Variants in CCBE1 observed in about 807,000 individuals in gnomAD.
CCBE1 encodes the protein collagen and calcium binding EGF domains 1, also known as collagen and calcium-binding EGF domain-containing protein 1.
In CCBE1, 37 loss-of-function variants were observed where a neutral mutation model predicts 50.0. The ratio of observed to expected loss-of-function variants is 0.74; its 90% CI spans 0.57 to 0.97. The LOEUF is 0.97. Ranked by LOEUF, CCBE1 falls within the 50% of genes least tolerant of loss-of-function variation. The pLI, the probability that CCBE1 is intolerant of heterozygous loss-of-function variation, is 0.00. For missense variants in CCBE1, 538 were observed against 523.8 expected (o/e 1.03, Z -0.26); for synonymous variants, 234 against 203.7 (o/e 1.15, Z -1.27).
At chr18:59,528,881 G>A (rs1185371784) in intron 2 of CCBE1, among the ~76,000 whole-genome samples, 4 of 152,162 alleles carry the variant, frequency 2.6e-5, no homozygotes, top group African/African-American at 9.7e-5. Flanking sequence ...ATGCCAGTGG[G>A]AATGCTCCTG....
rs144447482 is a variant in CCBE1, at chr18:59,682,294, G to A, written c.212+14335C>T. Among the ~76,000 whole-genome samples the A allele has an allele frequency of 7.3e-4, 111 of 152,174 alleles. No homozygotes were observed. In the East Asian group the frequency reaches 0.019, roughly 27 times the overall value. The stretch of plus-strand genomic sequence containing the variant: ...GGAGAATTGCTTGAACCCAGGAGGC[G>A]GAGGAGGTTGCAGTGAGCTGAGATC... On this transcript the variant is annotated intron_variant, in intron 2 of 10. Coordinates refer to ENST00000439986, the MANE Select transcript of CCBE1 (RefSeq NM_133459.4).
At chr18:59,549,517 G>A (rs1368796187) in intron 2 of CCBE1, among the ~76,000 whole-genome samples, 5 of 152,074 alleles carry the variant, frequency 3.3e-5, no homozygotes, top group Admixed American at 6.5e-5. Flanking sequence ...CTGGTGCACC[G>A]GGGCTCAGGA....
chr18:59,471,837 C>T (rs1912049247), intron 3 of CCBE1, among the ~76,000 whole-genome samples: 1 of 152,188 alleles, frequency 6.6e-6, no homozygotes, highest in Non-Finnish European at 1.5e-5. Context: ...TCATGAAAGC[C>T]TAATATCAGC....
At chr18:59,501,890 T>G (rs1036795872) in intron 2 of CCBE1, among the ~76,000 whole-genome samples, 2 of 152,186 alleles carry the variant, frequency 1.3e-5, no homozygotes, top group East Asian at 3.9e-4. Context: ...TAATGCAGCC[T>G]TGACCTTCTG....
chr18:59,577,308 T>C (rs1490125238), intron 2 of CCBE1, among the ~76,000 whole-genome samples: 1 of 152,194 alleles, frequency 6.6e-6, no homozygotes, highest in Non-Finnish European at 1.5e-5. Context: ...CAGGCAGCAG[T>C]TCCAGCTGGA....
chr18:59,436,807 A>G (rs564043534), intron 10 of CCBE1, among the ~76,000 whole-genome samples: 1 of 152,244 alleles, frequency 6.6e-6, no homozygotes, highest in South Asian at 2.1e-4. Context: ...TGTCTCTACA[A>G]AAATTTAACA....
rs148965348 is a variant in CCBE1, at chr18:59,572,035, G to A, written c.213-91797C>T. ...AGAATGATCAAAGATTGACACCAAAGTGGGTTTTTATTGTGGTTGTTTTGG... is the reference window on the plus strand; with the variant it reads ...AGAATGATCAAAGATTGACACCAAAATGGGTTTTTATTGTGGTTGTTTTGG... On this transcript the variant is annotated intron_variant, in intron 2 of 10. Transcript: ENST00000439986. Among the ~76,000 whole-genome samples, 301 of 152,338 alleles carry A rather than the reference G, an allele frequency of 2.0e-3. 4 individuals carry two copies. In the East Asian group the frequency reaches 0.03, roughly 15 times the overall value.
In CCBE1 at chr18:59,632,642, G is replaced by A. The variant is rs887446511; in HGVS notation, c.212+63987C>T. On this transcript the variant is annotated intron_variant, in intron 2 of 10. Coordinates refer to ENST00000439986, the MANE Select transcript of CCBE1 (RefSeq NM_133459.4). Reference sequence around the variant, plus strand: ...CTTACTCTATGGCCCAGGCTGGAGTGCAGTGGCACGATCTTGGCTCACCGC... The same window carrying A: ...CTTACTCTATGGCCCAGGCTGGAGTACAGTGGCACGATCTTGGCTCACCGC... 6.6e-5 allele frequency among the ~76,000 whole-genome samples: 10 copies of A among 152,062 alleles called. No individual in the cohort carries two copies. In the East Asian group the frequency reaches 1.7e-3, roughly 26 times the overall value.
Position 59,547,167 on chromosome 18 carries a change from A to G in CCBE1, c.213-66929T>C, listed in dbSNP as rs923464818. ...GAGAGGGAGGGAGAGGGAAAAGGAG[A>G]GGGAGAGAGAGGCACAATGGCTCAC... On this transcript the variant is annotated intron_variant, in intron 2 of 10. Transcript: ENST00000439986. Among the ~76,000 whole-genome samples the G allele has an allele frequency of 2.0e-5, 3 of 150,188 alleles. 1 individual carries two copies. Among genetic ancestry groups the G allele is most frequent in the Admixed American group, 2.0e-4 (3 of 15,078 alleles).
chr18:59,668,193 G>A (rs1273708027), intron 2 of CCBE1, among the ~76,000 whole-genome samples: 7 of 152,102 alleles, frequency 4.6e-5, no homozygotes, highest in Non-Finnish European at 1.0e-4. Context: ...GCTGAGGCGG[G>A]TGGATCACAA....
intron 2 of CCBE1, among the ~76,000 whole-genome samples, chr18:59,637,939 A>C (rs993649120): frequency 6.6e-6 from 1 of 152,200 alleles, no homozygotes; most frequent in Admixed American, 6.5e-5. Flanking sequence ...TTTACACAAA[A>C]ATCTTTCAAA....
Position 59,563,183 on chromosome 18 carries a change from C to T in CCBE1, c.213-82945G>A, listed in dbSNP as rs147134436. 3.6e-3 allele frequency among the ~76,000 whole-genome samples: 547 copies of T among 152,234 alleles called. 5 individuals are homozygous for T. Among genetic ancestry groups the T allele is most frequent in the African/African-American group, 0.012 (513 of 41,540 alleles). On this transcript the variant is annotated intron_variant, in intron 2 of 10. Transcript: ENST00000439986. ...GGTACAGGTCCAGGCATGGACTGAG[C>T]GAGAGACACAAGATGGAATGTTGTC...
At chr18:59,616,416 TA>T (rs1008286388) in intron 2 of CCBE1, among the ~76,000 whole-genome samples, 1 of 152,168 alleles carries the variant, frequency 6.6e-6, no homozygotes, top group Non-Finnish European at 1.5e-5. Context: ...CTAACATATT[TA>T]AAAAGTTGGA....
chr18:59,696,018 C>A (rs912250811), intron 2 of CCBE1, among the ~76,000 whole-genome samples: 5 of 152,316 alleles, frequency 3.3e-5, no homozygotes, highest in Admixed American at 3.3e-4. Flanking sequence ...ACTACCGATT[C>A]CCTAGCCCCA....
Position 59,462,854 on chromosome 18 carries a change from A to G in CCBE1, c.553+3885T>C, listed in dbSNP as rs115902210. Among the ~76,000 whole-genome samples the G allele has an allele frequency of 8.6e-3, 1,306 of 152,336 alleles. 18 individuals are homozygous for G. The highest frequency in any genetic ancestry group is 0.03 in the African/African-American group (1,247 of 41,562). On this transcript the variant is annotated intron_variant, in intron 5 of 10. Transcript: ENST00000439986. ...GGAACCCACAGGTCTGCAGAACATC[A>G]TGTGGGGAAATGCTGCAGTAAACGG...
At chr18:59,595,093 C>T (rs2053331531) in intron 2 of CCBE1, among the ~76,000 whole-genome samples, 1 of 133,844 alleles carries the variant, frequency 7.5e-6, no homozygotes, top group African/African-American at 3.3e-5. Context: ...TCCAGCCTGG[C>T]AACAGAGCGA....
At chr18:59,449,103 A>G (rs1247185386) in intron 6 of CCBE1, among the ~76,000 whole-genome samples, 1 of 152,148 alleles carries the variant, frequency 6.6e-6, no homozygotes, top group Non-Finnish European at 1.5e-5. Context: ...AGAAACTGAA[A>G]TGTGGGTCCC....
At chr18:59,646,226 A>G (rs1440510667) in intron 2 of CCBE1, among the ~76,000 whole-genome samples, 1 of 152,150 alleles carries the variant, frequency 6.6e-6, no homozygotes, top group Non-Finnish European at 1.5e-5. Context: ...CGCATGGAAA[A>G]TTTAAAAGGC....
At chr18:59,613,993 C>G (rs958357092) in intron 2 of CCBE1, among the ~76,000 whole-genome samples, 3 of 151,052 alleles carry the variant, frequency 2.0e-5, no homozygotes, top group African/African-American at 7.3e-5. Context: ...CGTTCTTCAG[C>G]CACCTGAGTA....
Sources: allele counts gnomAD v4.1 joint callset (sites outside exome capture counted in the v4.1 genomes callset), GRCh38; gene constraint gnomAD v4.1.1; transcripts MANE v1.5; gene names NCBI Gene and HGNC (gene_info 2026-07-23, HGNC 2026-07-21).